CHRM5: variants seen among roughly 807,000 people sequenced by gnomAD.
CHRM5 encodes cholinergic receptor muscarinic 5.
A neutral mutation model predicts 39.0 loss-of-function variants in CHRM5; 18 were observed. The ratio of observed to expected loss-of-function variants is 0.46; its 90% CI spans 0.32 to 0.68. CHRM5 has a LOEUF of 0.68. Ranked by LOEUF, CHRM5 falls within the 30% of genes least tolerant of loss-of-function variation. The pLI, the probability that CHRM5 is intolerant of heterozygous loss-of-function variation, is 0.04. For missense variants in CHRM5, 515 were observed against 651.1 expected (o/e 0.79, Z 2.28); for synonymous variants, 241 against 246.3 (o/e 0.98, Z 0.20).
chr15:34,042,364 T>C (rs1005173998), intron 1 of CHRM5, among the ~76,000 whole-genome samples: 6 of 152,034 alleles, frequency 3.9e-5, no homozygotes, highest in Non-Finnish European at 8.8e-5. Context: ...AAACTGTACT[T>C]TTTGCATATT....
chr15:34,024,207 G>A (rs1898335754), intron 1 of CHRM5, among the ~76,000 whole-genome samples: 1 of 152,132 alleles, frequency 6.6e-6, no homozygotes, highest in South Asian at 2.1e-4. Flanking sequence ...CATGAAGTTT[G>A]CATTCCACCA....
intron 2 of CHRM5, among the ~76,000 whole-genome samples, chr15:34,048,622 C>T (rs1450045300): frequency 2.0e-5 from 3 of 152,220 alleles, no homozygotes; most frequent in Non-Finnish European, 4.4e-5. Context: ...CCATTCCAGC[C>T]TGCTGGCTTT....
chr15:34,017,380 A>G (rs1450258131), intron 1 of CHRM5, among the ~76,000 whole-genome samples: 1 of 152,112 alleles, frequency 6.6e-6, no homozygotes, highest in Admixed American at 6.5e-5. Context: ...GAAAATATCA[A>G]TCACCTAAGA....
In CHRM5 at chr15:34,003,246, G is replaced by C. The variant is rs374232813; in HGVS notation, c.-408+34096G>C. 26 of 1,601,886 alleles carry C rather than the reference G, an allele frequency of 1.6e-5. No homozygotes were observed. The African/African-American group carries it at 2.8e-4, about 17-fold the overall frequency. On this transcript the variant is annotated intron_variant, in intron 1 of 2. Coordinates refer to ENST00000383263, the MANE Select transcript of CHRM5 (RefSeq NM_012125.4). The stretch of plus-strand genomic sequence containing the variant: ...AGAGACAAATCAATAAGTAAGCAGT[G>C]GAAATCCTGACCTTAGTAGACTTCC...
intron 2 of CHRM5, among the ~76,000 whole-genome samples, chr15:34,049,650 C>G (rs1899858157): frequency 6.6e-6 from 1 of 152,192 alleles, no homozygotes; most frequent in African/African-American, 2.4e-5. Flanking sequence ...CCTAGCAAGT[C>G]AGGCCAACGT....
chr15:34,056,958 G>A (rs953102587), intron 2 of CHRM5, among the ~76,000 whole-genome samples: 3 of 152,088 alleles, frequency 2.0e-5, no homozygotes, highest in African/African-American at 7.2e-5. Context: ...GGGATCCCTT[G>A]AGCCCAAGAG....
intron 2 of CHRM5, among the ~76,000 whole-genome samples, 164 bp from the exon 3 acceptor site, chr15:34,062,479 C>T (rs1442723844): frequency 1.4e-5 from 2 of 141,554 alleles, no homozygotes; most frequent in South Asian, 2.3e-4. Context: ...GGCCTGAACC[C>T]GGGAGGCGGA....
chr15:33,984,294 G>C (rs950703805), intron 1 of CHRM5, among the ~76,000 whole-genome samples: 5 of 151,904 alleles, frequency 3.3e-5, no homozygotes, highest in African/African-American at 1.2e-4. Context: ...AAAATAAAAA[G>C]TTTACAAAAT....
chr15:34,021,151 C>G (rs1257580145), intron 1 of CHRM5, among the ~76,000 whole-genome samples: 1 of 152,072 alleles, frequency 6.6e-6, no homozygotes. Context: ...TCATTTGTGG[C>G]CTGGGTGAAT....
intron 1 of CHRM5, among the ~76,000 whole-genome samples, chr15:33,970,954 A>T (rs893596450): frequency 1.3e-5 from 2 of 151,962 alleles, no homozygotes; most frequent in Non-Finnish European, 2.9e-5. Flanking sequence ...TTCCTTTCCA[A>T]ATCAAGGCTT....
chr15:33,992,314 C>T (rs995128162), intron 1 of CHRM5, among the ~76,000 whole-genome samples: 6 of 151,368 alleles, frequency 4.0e-5, no homozygotes, highest in Non-Finnish European at 7.4e-5. Flanking sequence ...GGCGTCAGCC[C>T]GGGGGGCGGA....
At chr15:33,996,187 G>T (rs58113983) in intron 1 of CHRM5, among the ~76,000 whole-genome samples, 31,147 of 152,186 alleles carry the variant, frequency 0.2, 4,819 homozygotes, top group African/African-American at 0.43. Context: ...GAAGCTTGAA[G>T]TGGACAGAGC....
intron 1 of CHRM5, among the ~76,000 whole-genome samples, chr15:34,005,297 T>C (rs936884922): frequency 2.6e-4 from 39 of 152,132 alleles, no homozygotes; most frequent in African/African-American, 9.4e-4. Context: ...CAGTATCCAA[T>C]CCAGGACCAG....
intron 1 of CHRM5, among the ~76,000 whole-genome samples, chr15:33,999,269 A>G (rs1050477222): frequency 3.2e-4 from 49 of 152,318 alleles, no homozygotes; most frequent in South Asian, 1.2e-3. Context: ...TCCCAAGGCC[A>G]ACTCTCTATG....
chr15:33,972,546 C>T (rs1895686020), intron 1 of CHRM5: 1 of 151,754 alleles, frequency 6.6e-6, no homozygotes, highest in African/African-American at 2.4e-5. Flanking sequence ...AAAACAAAAA[C>T]AAAAAAACAA....
chr15:34,006,573 G>C (rs886924025), intron 1 of CHRM5, among the ~76,000 whole-genome samples: 1 of 152,186 alleles, frequency 6.6e-6, no homozygotes, highest in Non-Finnish European at 1.5e-5. Context: ...CCTAAGGAAC[G>C]ATTAATGCAG....
intron 2 of CHRM5, among the ~76,000 whole-genome samples, chr15:34,061,084 A>G (rs1336610698): frequency 6.6e-6 from 1 of 150,864 alleles, no homozygotes; most frequent in East Asian, 1.9e-4. Context: ...TGTTTGTTAT[A>G]TATCATCAAA....
At chr15:34,005,432 AT>A (rs11294882) in intron 1 of CHRM5, among the ~76,000 whole-genome samples, 23,486 of 151,948 alleles carry the variant, frequency 0.15, 2,260 homozygotes, top group Middle Eastern at 0.28. Flanking sequence ...TTATTTACAG[AT>A]TTTTTTTATC....
At chr15:34,044,997 G>C (rs1274096143) in intron 1 of CHRM5, among the ~76,000 whole-genome samples, 1 of 152,148 alleles carries the variant, frequency 6.6e-6, no homozygotes, top group Admixed American at 6.5e-5. Context: ...GCAGTGAGCC[G>C]AGATCGTGCC....
Sources: gnomAD v4.1 joint callset for allele counts (sites outside exome capture counted in the v4.1 genomes callset) on GRCh38, gnomAD v4.1.1 for gene constraint, MANE v1.5 for transcripts, NCBI Gene and HGNC (gene_info 2026-07-23, HGNC 2026-07-21) for gene names.